Variants in STON2 observed in about 807,000 individuals in gnomAD.
STON2 encodes stonin-2.
In STON2, 29 loss-of-function variants were observed where a neutral mutation model predicts 65.7. The ratio of observed to expected loss-of-function variants is 0.44; its 90% confidence interval spans 0.33 to 0.60. STON2 has a LOEUF of 0.60. STON2 is among the 20% of genes least tolerant of loss of function. The pLI, the probability that STON2 is intolerant of heterozygous loss-of-function variation, is 0.03. For synonymous variants in STON2, 404 were observed against 414.2 expected (o/e 0.98, Z 0.30); for missense variants, 1,054 against 1,118.1 (o/e 0.94, Z 0.82).
rs1555397665 is a variant in STON2 at position 81,306,220 on chromosome 14, C to CTATTTTTTTTTTTTTTTT, written c.742+17796_742+17797insAAAAAAAAAAAAAAAATA. 4.3e-5 allele frequency among the ~76,000 whole-genome samples: 3 copies of CTATTTTTTTTTTTTTTTT among 69,490 alleles called. 1 individual carries two copies. The highest frequency in any genetic ancestry group is 2.6e-5 in the Non-Finnish European group (1 of 39,088). The allele number at this position is 69,490 out of a possible 152,430, so 45.6% of individuals were successfully genotyped here. ...TTATATATACACACACATACATACT[C>CTATTTTTTTTTTTTTTTT]TTTTTTTTTTTTTTTTTTTTTTTTT... On this transcript the variant is annotated intron_variant, in intron 5 of 7. Coordinates refer to ENST00000614646, the MANE Select transcript of STON2 (RefSeq NM_001394390.1).
At chr14:81,305,895 C>A (rs1896154219) in intron 5 of STON2, among the ~76,000 whole-genome samples, 1 of 152,100 alleles carries the variant, frequency 6.6e-6, no homozygotes. Flanking sequence ...GTATTTGGTT[C>A]TTTTGGAAAA....
At chr14:81,352,104 TTTA>T (rs1414742448) in intron 4 of STON2, among the ~76,000 whole-genome samples, 1 of 152,196 alleles carries the variant, frequency 6.6e-6, no homozygotes, top group African/African-American at 2.4e-5. Flanking sequence ...TCAGCACTTC[TTTA>T]TTAACACATT....
chr14:81,282,738 CTT>C (rs1895175243), intron 5 of STON2, among the ~76,000 whole-genome samples: 2 of 152,230 alleles, frequency 1.3e-5, no homozygotes, highest in Admixed American at 1.3e-4. Context: ...CAAAACATCT[CTT>C]TATTATTACT....
chr14:81,359,609 T>A (rs960719243), intron 4 of STON2, among the ~76,000 whole-genome samples: 2 of 151,856 alleles, frequency 1.3e-5, no homozygotes, highest in Non-Finnish European at 2.9e-5. Flanking sequence ...TTTGAAAAGA[T>A]AACATGGATG....
chr14:81,303,045 G>A (rs1896027950), intron 5 of STON2, among the ~76,000 whole-genome samples: 1 of 141,176 alleles, frequency 7.1e-6, no homozygotes, highest in African/African-American at 2.6e-5. Flanking sequence ...CAGTGAGGGT[G>A]TACATGTGTG....
chr14:81,301,684 T>G lies in STON2; in HGVS notation c.742+22333A>C, dbSNP rs545252302. On this transcript the variant is annotated intron_variant, in intron 5 of 7. Transcript: ENST00000614646. ...ACATCTGGTTGGGATGCCAGCTCAG[T>G]ATTCACATTTGTGAAATGTGAATAA... Among the ~76,000 whole-genome samples, 7 of 152,340 alleles carry G rather than the reference T, an allele frequency of 4.6e-5. 1 individual carries two copies. The South Asian group carries it at 1.4e-3, about 32-fold the overall frequency.
intron 4 of STON2, chr14:81,333,368 G>A (rs1009805962): frequency 2.7e-5 from 13 of 473,392 alleles, no homozygotes; most frequent in South Asian, 5.7e-5. Flanking sequence ...TCATGATGGC[G>A]GTCTATCCTC....
chr14:81,316,466 G>A (rs1405034392), intron 5 of STON2, among the ~76,000 whole-genome samples: 1 of 152,128 alleles, frequency 6.6e-6, no homozygotes, highest in Non-Finnish European at 1.5e-5. Flanking sequence ...GGGTTTCTTA[G>A]GAAGATCAAC....
At position 81,264,197 on chromosome 14, in the gene STON2, G is replaced by C; in HGVS notation, c.*4217C>G. ...TTGGGGCACAAAAATGTTTTTCAAT[G>C]TGAATGAGGTACATTGTAGTTCAAA... On this transcript the variant is annotated 3_prime_UTR_variant, in exon 8 of 8. Coordinates refer to ENST00000614646, the MANE Select transcript of STON2 (RefSeq NM_001394390.1). 1 of 985,448 alleles carries C rather than the reference G, an allele frequency of 1.0e-6. No individual in the cohort carries two copies. Among genetic ancestry groups the C allele is most frequent in the South Asian group, 4.7e-5 (1 of 21,286 alleles). 61.0% of individuals were successfully genotyped at this position (985,448 alleles called of 1,614,324 possible).
intron 4 of STON2, among the ~76,000 whole-genome samples, chr14:81,357,480 A>G (rs1322248452): frequency 2.7e-5 from 4 of 150,928 alleles, no homozygotes; most frequent in African/African-American, 9.7e-5. Flanking sequence ...ACCATTGTGG[A>G]AGTCAGTGTG....
chr14:81,366,382 T>C (rs1898728160), intron 4 of STON2, among the ~76,000 whole-genome samples: 1 of 152,126 alleles, frequency 6.6e-6, no homozygotes, highest in Admixed American at 6.5e-5. Flanking sequence ...GCAAATAGGC[T>C]GGGCCCAGAG....
chr14:81,426,362 AT>A (rs1174701758), intron 2 of STON2, among the ~76,000 whole-genome samples: 21 of 152,312 alleles, frequency 1.4e-4, no homozygotes, highest in African/African-American at 5.1e-4. Flanking sequence ...GCCAGCTTGA[AT>A]TTCCCAGTGA....
At position 81,396,189 on chromosome 14, in the gene STON2, T is replaced by C. The variant is rs536121644; in HGVS notation, c.89-11A>G. ...GCTCTTCCGTGCCCCCTGAAACAGATACCAGACGCCACCATCATGTGAGGA... is the reference window on the plus strand; with the variant it reads ...GCTCTTCCGTGCCCCCTGAAACAGACACCAGACGCCACCATCATGTGAGGA... On this transcript the variant is annotated splice_polypyrimidine_tract_variant and intron_variant, in intron 2 of 7. Transcript: ENST00000614646. 16 of 1,585,008 alleles carry C rather than the reference T, an allele frequency of 1.0e-5. No homozygotes were observed. Among genetic ancestry groups the C allele is most frequent in the South Asian group, 3.5e-5 (3 of 86,332 alleles).
intron 4 of STON2, among the ~76,000 whole-genome samples, chr14:81,370,716 T>G (rs892778474): frequency 1.3e-5 from 2 of 152,230 alleles, no homozygotes; most frequent in Non-Finnish European, 2.9e-5. Flanking sequence ...GAATGGTATT[T>G]ATACCAAACA....
chr14:81,407,931 G>C (rs1023998508), intron 2 of STON2, among the ~76,000 whole-genome samples: 2 of 152,192 alleles, frequency 1.3e-5, no homozygotes, highest in Admixed American at 6.5e-5. Context: ...CATAGAAGCT[G>C]AATCAGAAGT....
intron 5 of STON2, among the ~76,000 whole-genome samples, chr14:81,287,490 G>C (rs567553014): frequency 6.6e-6 from 1 of 152,148 alleles, no homozygotes; most frequent in Non-Finnish European, 1.5e-5. Context: ...TACTTACTAA[G>C]GTGACCTATG....
At position 81,267,123 on chromosome 14, in the gene STON2, G is replaced by GT; in HGVS notation, c.*1290dup. On this transcript the variant is annotated 3_prime_UTR_variant, in exon 8 of 8. Coordinates refer to ENST00000614646, the MANE Select transcript of STON2 (RefSeq NM_001394390.1). ...AAGTGTGCTTTCTGTCCCCCGACTTGTATTCTTCATGGGAGAAAACACTAA... is the reference window on the plus strand; with the variant it reads ...AAGTGTGCTTTCTGTCCCCCGACTTGTTATTCTTCATGGGAGAAAACACTAA... 2 of 985,318 alleles carry GT rather than the reference G, an allele frequency of 2.0e-6. No homozygotes were observed. The highest frequency in any genetic ancestry group is 9.4e-5 in the South Asian group (2 of 21,282). 61.0% of individuals were successfully genotyped at this position (985,318 alleles called of 1,614,324 possible).
chr14:81,264,013 A>G lies in STON2; in HGVS notation c.*4401T>C. ...GTCAGCGGTTAGTGCTGGAAGAACA[A>G]AGACCTACTGCATGAAGACTGGTTG... On this transcript the variant is annotated 3_prime_UTR_variant, in exon 8 of 8. Transcript: ENST00000614646. 1 of 985,456 alleles carries G rather than the reference A, an allele frequency of 1.0e-6. No individual in the cohort carries two copies. The allele number at this position is 985,456 out of a possible 1,614,324, so 61.0% of individuals were successfully genotyped here.
chr14:81,428,159 A>G (rs1441881920), intron 1 of STON2, among the ~76,000 whole-genome samples: 1 of 152,254 alleles, frequency 6.6e-6, no homozygotes, highest in Non-Finnish European at 1.5e-5. Context: ...AGTGTTTTTG[A>G]TAATTTCAGC....
Sources: gnomAD v4.1 joint callset for allele counts (sites outside exome capture counted in the v4.1 genomes callset) on GRCh38, gnomAD v4.1.1 for gene constraint, MANE v1.5 for transcripts, NCBI Gene and HGNC (gene_info 2026-07-23, HGNC 2026-07-21) for gene names.